Variants in AIG1 observed in about 807,000 individuals in gnomAD.
AIG1 encodes the protein androgen induced 1.
In AIG1, 23 loss-of-function variants were observed where a neutral mutation model predicts 31.4. That is an observed-to-expected ratio of 0.73 (90% CI 0.53 to 1.04). AIG1 has a LOEUF of 1.04. AIG1 is among the 50% of genes least tolerant of loss of function. The probability of loss-of-function intolerance (pLI) is 0.00; values close to 1 mark genes in which losing one functional copy is unlikely to be tolerated. For synonymous variants in AIG1, 100 were observed against 110.5 expected (o/e 0.90, Z 0.60); for missense variants, 274 against 295.0 (o/e 0.93, Z 0.52).
chr6:143,293,458 A>G lies in AIG1; in HGVS notation c.515+9233A>G, dbSNP rs369083872. Among the ~76,000 whole-genome samples, 18 of 152,248 alleles carry G rather than the reference A, an allele frequency of 1.2e-4. No homozygotes were observed. Among genetic ancestry groups the G allele is most frequent in the Non-Finnish European group, 2.5e-4 (17 of 68,010 alleles). Reference sequence around the variant, plus strand: ...ACAAGCACTGTGCTGAGAATGCACTATTTTCTCATCTTCTAAGGAAAAGTC... The same window carrying G: ...ACAAGCACTGTGCTGAGAATGCACTGTTTTCTCATCTTCTAAGGAAAAGTC... On this transcript the variant is annotated intron_variant, in intron 4 of 5. Transcript: ENST00000357847. This position sits in a 1 kb window ranked among gnomAD's most constrained non-coding sequence, Gnocchi z 4.8.
intron 1 of AIG1, among the ~76,000 whole-genome samples, chr6:143,064,883 G>A (rs7746812): frequency 0.016 from 2,502 of 152,308 alleles, 51 homozygotes; most frequent in African/African-American, 0.053. Context: ...TCACCTGGGT[G>A]CAGGCGGACT....
intron 4 of AIG1, among the ~76,000 whole-genome samples, chr6:143,319,663 T>TA (rs1776044567): frequency 6.6e-6 from 1 of 151,800 alleles, no homozygotes; most frequent in African/African-American, 2.4e-5. Flanking sequence ...ACAACAAAGC[T>TA]AAGAGTTGGG....
intron 2 of AIG1, among the ~76,000 whole-genome samples, chr6:143,157,523 T>C (rs1785908164): frequency 6.6e-6 from 1 of 151,920 alleles, no homozygotes; most frequent in Non-Finnish European, 1.5e-5. Flanking sequence ...TAAAAGTATA[T>C]TTGTTGTAAT....
chr6:143,343,143 C>T, downstream of AIG1: 2 of 753,450 alleles, frequency 2.7e-6, no homozygotes, highest in Non-Finnish European at 5.0e-6. Flanking sequence ...CCATTATTTA[C>T]TTCCAATGTT....
chr6:143,066,642 A>C (rs1169407109), intron 1 of AIG1, among the ~76,000 whole-genome samples: 1 of 152,216 alleles, frequency 6.6e-6, no homozygotes, highest in Non-Finnish European at 1.5e-5. Context: ...AAATGTAAGA[A>C]ATTACAATTT....
At chr6:143,259,010 G>A (rs77113970) in intron 3 of AIG1, among the ~76,000 whole-genome samples, 2 of 152,156 alleles carry the variant, frequency 1.3e-5, no homozygotes, top group African/African-American at 4.8e-5. Context: ...AAGACAAAAG[G>A]GCAGTGGATC....
intron 3 of AIG1, among the ~76,000 whole-genome samples, chr6:143,183,081 A>G (rs1441987112): frequency 2.0e-5 from 3 of 152,266 alleles, no homozygotes; most frequent in Non-Finnish European, 4.4e-5. Flanking sequence ...ACATTCCAGA[A>G]CACTGCAGAG....
intron 4 of AIG1, among the ~76,000 whole-genome samples, chr6:143,290,657 C>T (rs1562561919): frequency 6.6e-6 from 1 of 152,152 alleles, no homozygotes; most frequent in Non-Finnish European, 1.5e-5. Flanking sequence ...ACTGCCTTTC[C>T]CTGGTGCCAG....
At chr6:143,307,916 G>A (rs542688188) in intron 4 of AIG1, among the ~76,000 whole-genome samples, 92 of 152,334 alleles carry the variant, frequency 6.0e-4, no homozygotes, top group East Asian at 4.1e-3. Context: ...AATGGCGGGC[G>A]CCCCTCCCCC....
intron 3 of AIG1, among the ~76,000 whole-genome samples, chr6:143,203,867 C>T (rs1790899761): frequency 6.6e-6 from 1 of 152,108 alleles, no homozygotes; most frequent in African/African-American, 2.4e-5. Context: ...GAAATTCTGC[C>T]ACTTTAGAAT....
intron 1 of AIG1, among the ~76,000 whole-genome samples, chr6:143,075,111 CTCTTAT>C (rs1777616207): frequency 6.6e-6 from 1 of 152,054 alleles, no homozygotes; most frequent in Admixed American, 6.6e-5. Flanking sequence ...TTTTATCTTT[CTCTTAT>C]TGTCTGTAGG....
chr6:143,088,802 A>G (rs1779035825), intron 1 of AIG1, among the ~76,000 whole-genome samples: 1 of 152,250 alleles, frequency 6.6e-6, no homozygotes, highest in Non-Finnish European at 1.5e-5. Flanking sequence ...TCCTTCCACA[A>G]ATGTGTTCCA....
chr6:143,182,910 A>G (rs1788868000), intron 3 of AIG1, among the ~76,000 whole-genome samples: 1 of 152,190 alleles, frequency 6.6e-6, no homozygotes, highest in South Asian at 2.1e-4. Context: ...ACAACCTCAA[A>G]GCATTTACTT....
chr6:143,188,895 T>C (rs1431703445), intron 3 of AIG1: 1 of 985,048 alleles, frequency 1.0e-6, no homozygotes, highest in Non-Finnish European at 1.2e-6. Context: ...TTAAAGTGTA[T>C]TCAGTAAAAT....
chr6:143,189,834 T>C (rs1789623013), intron 3 of AIG1: 1 of 967,532 alleles, frequency 1.0e-6, no homozygotes, highest in African/African-American at 1.8e-5. Flanking sequence ...TCTTAGTCCA[T>C]TCAGGCTACT....
intron 3 of AIG1, among the ~76,000 whole-genome samples, chr6:143,181,472 C>T (rs1449775975): frequency 6.6e-6 from 1 of 152,146 alleles, no homozygotes; most frequent in East Asian, 1.9e-4. Flanking sequence ...AAATTTTCAT[C>T]TGTGATCATT....
At chr6:143,321,206 T>C (rs1364075765) in intron 4 of AIG1, among the ~76,000 whole-genome samples, 1 of 152,186 alleles carries the variant, frequency 6.6e-6, no homozygotes, top group Non-Finnish European at 1.5e-5. Flanking sequence ...TGGCACTGTT[T>C]ATGGTGATGG....
At chr6:143,232,228 C>G (rs1195910750) in intron 3 of AIG1, among the ~76,000 whole-genome samples, 1 of 152,176 alleles carries the variant, frequency 6.6e-6, no homozygotes, top group East Asian at 1.9e-4. Flanking sequence ...AGTAGACAGG[C>G]AGCCCTTCTG....
At chr6:143,213,508 C>CTTTTTTTTTTTTTTTTTT (rs746350692) in intron 3 of AIG1, among the ~76,000 whole-genome samples, 3 of 61,200 alleles carry the variant, frequency 4.9e-5, no homozygotes, top group African/African-American at 1.2e-4. Context: ...TTTCTTTCTT[C>CTTTTTTTTTTTTTTTTTT]TTTTTTTTTT....
Sources: allele counts gnomAD v4.1 joint callset (sites outside exome capture counted in the v4.1 genomes callset), GRCh38; gene constraint gnomAD v4.1.1; non-coding constraint Gnocchi (gnomAD v3.1); transcripts MANE v1.5; gene names NCBI Gene and HGNC (gene_info 2026-07-23, HGNC 2026-07-21).